Variants in STK32C observed in about 807,000 individuals in gnomAD.
STK32C encodes serine/threonine kinase 32C.
STK32C carries 31 observed loss-of-function variants against 56.5 expected under a neutral mutation model. The observed-to-expected ratio is 0.55, with a 90% CI of 0.41 to 0.74. STK32C has a LOEUF of 0.74. Ranked by LOEUF, STK32C falls within the 30% of genes least tolerant of loss-of-function variation. STK32C has a pLI of 0.00. For missense variants in STK32C, 544 were observed against 676.9 expected (o/e 0.80, Z 2.18); for synonymous variants, 309 against 289.4 (o/e 1.07, Z -0.69).
At chr10:132,317,000 CAA>C (rs71472739) in intron 1 of STK32C, among the ~76,000 whole-genome samples, 28 of 81,678 alleles carry the variant, frequency 3.4e-4, no homozygotes, top group Admixed American at 6.7e-4. Context: ...GACTCCATCT[CAA>C]AAAAAAAAAA....
At chr10:132,222,568 C>T (rs1480130392) in intron 10 of STK32C, 73 bp downstream of exon 10, 6 of 1,568,774 alleles carry the variant, frequency 3.8e-6, no homozygotes, top group African/African-American at 1.4e-5. Context: ...GGTCCCCACA[C>T]GCCTTGCTCG....
chr10:132,263,902 A>C (rs369020948), intron 1 of STK32C, among the ~76,000 whole-genome samples: 1 of 152,062 alleles, frequency 6.6e-6, no homozygotes, highest in South Asian at 2.1e-4. Context: ...TTATAAAAAA[A>C]GAAAAAGCAT....
chr10:132,224,307 G>T (rs944692419), intron 8 of STK32C, 100 bp downstream of exon 8: 18 of 836,794 alleles, frequency 2.2e-5, no homozygotes, highest in Non-Finnish European at 3.3e-5. Flanking sequence ...GCCAGGAAGC[G>T]GCACTAACTG....
chr10:132,272,417 A>G (rs1312750124), intron 1 of STK32C, among the ~76,000 whole-genome samples: 1 of 152,192 alleles, frequency 6.6e-6, no homozygotes, highest in Non-Finnish European at 1.5e-5. Context: ...AATGAATACA[A>G]TGTCTGAAAC....
At position 132,230,676 on chromosome 10, in the gene STK32C, T is replaced by TGGTGG. The variant is rs1301559652; in HGVS notation, c.319-2549_319-2548insCCACC. Among the ~76,000 whole-genome samples, 61 of 6,708 alleles carry TGGTGG rather than the reference T, an allele frequency of 9.1e-3. 2 individuals are homozygous for TGGTGG. The highest frequency in any genetic ancestry group is 0.048 in the East Asian group (10 of 210). The allele number at this position is 6,708 out of a possible 152,430, so 4.4% of individuals were successfully genotyped here. A position where few individuals can be genotyped will look rare whatever the true frequency, so the allele number is the denominator to read the frequency against. On this transcript the variant is annotated intron_variant, in intron 2 of 11. Transcript: ENST00000298630. ...GGGCTCTTGCTGCTGGGGGGGAAGC[T>TGGTGG]GGCGGGGGGGGGGGGGCTGCAGAGC...
intron 1 of STK32C, among the ~76,000 whole-genome samples, chr10:132,295,168 G>A (rs553499729): frequency 5.9e-5 from 9 of 152,268 alleles, no homozygotes; most frequent in Admixed American, 5.2e-4. Context: ...GTCTTAAGCC[G>A]GCAGTGACAC....
chr10:132,209,185 C>G, intron 10 of STK32C, 84 bp from the exon 11 acceptor site: 3 of 1,291,654 alleles, frequency 2.3e-6, no homozygotes, highest in Non-Finnish European at 3.3e-6. Flanking sequence ...CTGGGCATCC[C>G]CATCGGGCCT....
intron 10 of STK32C, among the ~76,000 whole-genome samples, chr10:132,219,876 G>T (rs2062580207): frequency 6.6e-6 from 1 of 152,162 alleles, no homozygotes; most frequent in Non-Finnish European, 1.5e-5. Flanking sequence ...TGAGGAGGCT[G>T]CACGGGGGCT....
intron 1 of STK32C, among the ~76,000 whole-genome samples, chr10:132,251,485 G>A (rs1282131988): frequency 6.6e-6 from 1 of 152,138 alleles, no homozygotes; most frequent in Non-Finnish European, 1.5e-5. Context: ...AACGGCCGAG[G>A]AGCCCTGTGG....
chr10:132,307,706 G>C lies in STK32C; in HGVS notation c.128C>G (p.Pro43Arg). The change falls in exon 1 of 12, where the codon CCC (proline) becomes CGC (arginine). Residue 43 changes from proline to arginine, a missense_variant. Coordinates refer to ENST00000298630, the MANE Select transcript of STK32C (RefSeq NM_173575.4). This position sits in a 1 kb window ranked among gnomAD's most constrained non-coding sequence, Gnocchi z 4.4. Reference protein sequence around the residue: ...SALPPPAAGQPRARDSGDVRS... With the variant: ...SALPPPAAGQRRARDSGDVRS... ...GACATCGCCCGAGTCCCGGGCCCGGGGCTGGCCAGCAGCGGGCGGCGGCAG... is the reference window on the plus strand; with the variant it reads ...GACATCGCCCGAGTCCCGGGCCCGGCGCTGGCCAGCAGCGGGCGGCGGCAG... 3 of 1,435,764 alleles carry C rather than the reference G, an allele frequency of 2.1e-6. No individual in the cohort carries two copies. The highest frequency in any genetic ancestry group is 2.8e-6 in the Non-Finnish European group (3 of 1,085,610). 88.9% of individuals were successfully genotyped at this position (1,435,764 alleles called of 1,614,324 possible).
In STK32C at chr10:132,267,398, T is replaced by C. The variant is rs371129103; in HGVS notation, c.263-21443A>G. Among the ~76,000 whole-genome samples the C allele has an allele frequency of 4.4e-3, 663 of 152,360 alleles. 24 individuals are homozygous for C. In the South Asian group the frequency reaches 0.089, roughly 20 times the overall value. On this transcript the variant is annotated intron_variant, in intron 1 of 11. Transcript: ENST00000298630. Reference sequence around the variant, plus strand: ...ATGTGCATGTGTGTCTGTATGCATGTGCATGTATGTTTCTGGGGCTACAGT... The same window carrying C: ...ATGTGCATGTGTGTCTGTATGCATGCGCATGTATGTTTCTGGGGCTACAGT...
intron 2 of STK32C, among the ~76,000 whole-genome samples, chr10:132,236,226 G>T (rs948589701): frequency 6.6e-6 from 1 of 152,228 alleles, no homozygotes; most frequent in African/African-American, 2.4e-5. Flanking sequence ...GCCTGCGCAC[G>T]GCCTGGTCAG....
exon 2 of STK32C, chr10:132,324,103 A>G (rs2066454955): frequency 3.2e-6 from 2 of 627,804 alleles, no homozygotes; most frequent in Non-Finnish European, 5.8e-6. Context: ...CAGCATATGA[A>G]TTCCAGGGAC....
At chr10:132,326,047 T>C (rs1325162181) in intron 1 of STK32C, among the ~76,000 whole-genome samples, 1 of 151,944 alleles carries the variant, frequency 6.6e-6, no homozygotes, top group African/African-American at 2.4e-5. Flanking sequence ...AGCGTGAAAA[T>C]GGACTAACAT....
intron 1 of STK32C, among the ~76,000 whole-genome samples, chr10:132,288,972 T>C (rs969217827): frequency 2.2e-4 from 34 of 152,202 alleles, no homozygotes; most frequent in African/African-American, 2.4e-5. Context: ...AAAATTCATA[T>C]GGAAATACAG....
intron 2 of STK32C, among the ~76,000 whole-genome samples, chr10:132,232,063 CTG>C (rs937098920): frequency 6.6e-6 from 1 of 152,268 alleles, no homozygotes; most frequent in Admixed American, 6.5e-5. Context: ...CCTGCAGACT[CTG>C]AGCACCTGCG....
At chr10:132,248,404 G>A (rs2063765339) in intron 1 of STK32C, among the ~76,000 whole-genome samples, 1 of 152,210 alleles carries the variant, frequency 6.6e-6, no homozygotes, top group African/African-American at 2.4e-5. Flanking sequence ...GGGTGTCAGG[G>A]CGAGGCCCAG....
chr10:132,291,206 C>T (rs1229187600), intron 1 of STK32C, among the ~76,000 whole-genome samples: 3 of 152,232 alleles, frequency 2.0e-5, no homozygotes, highest in African/African-American at 7.2e-5. Flanking sequence ...CTCTCTGGAG[C>T]ATTGCCGTTT....
intron 10 of STK32C, among the ~76,000 whole-genome samples, chr10:132,215,081 T>A (rs1419878911): frequency 6.6e-6 from 1 of 152,174 alleles, no homozygotes; most frequent in African/African-American, 2.4e-5. Context: ...TGCAGGGGCA[T>A]GATCATAGCT....
Sources: allele counts gnomAD v4.1 joint callset (sites outside exome capture counted in the v4.1 genomes callset), GRCh38; gene constraint gnomAD v4.1.1; non-coding constraint Gnocchi (gnomAD v3.1); transcripts MANE v1.5; gene names NCBI Gene and HGNC (gene_info 2026-07-23, HGNC 2026-07-21).